The following CAMTA1 variants were observed in gnomAD, a reference collection of about 807,000 sequenced individuals.
The protein encoded by CAMTA1 is calmodulin-binding transcription activator 1.
A neutral mutation model predicts 170.9 loss-of-function variants in CAMTA1; 27 were observed. The observed-to-expected ratio is 0.16, with a 90% CI of 0.12 to 0.22. The LOEUF (loss-of-function observed/expected upper bound fraction) is 0.22. Ranked by LOEUF, CAMTA1 falls within the 10% of genes least tolerant of loss-of-function variation. CAMTA1 has a pLI of 1.00. For synonymous variants in CAMTA1, 833 were observed against 891.5 expected, an observed-to-expected ratio of 0.93 and a Z score of 1.17; for missense variants, 1,619 against 2,217.2, an observed-to-expected ratio of 0.73 and a Z score of 5.42.
At chr1:7,221,024 ACCAGG>A (rs1660658031) in intron 4 of CAMTA1, among the ~76,000 whole-genome samples, 1 of 152,130 alleles carries the variant, frequency 6.6e-6, no homozygotes, top group Non-Finnish European at 1.5e-5. Context: ...CCTAGAGCCC[ACCAGG>A]TGGGAGAGCC....
intron 11 of CAMTA1, among the ~76,000 whole-genome samples, chr1:7,695,682 A>AG (rs1425687231): frequency 1.3e-5 from 2 of 152,068 alleles, no homozygotes; most frequent in African/African-American, 2.4e-5. Context: ...CTGCACCATG[A>AG]GGGGCCACAG....
intron 3 of CAMTA1, among the ~76,000 whole-genome samples, chr1:6,840,918 G>T (rs560348368): frequency 6.6e-6 from 1 of 152,286 alleles, no homozygotes; most frequent in South Asian, 2.1e-4. Context: ...AAATTTAGTG[G>T]CTTAAAACAA....
intron 6 of CAMTA1, among the ~76,000 whole-genome samples, chr1:7,558,646 C>T (rs2094913601): frequency 6.6e-6 from 1 of 152,242 alleles, no homozygotes; most frequent in Non-Finnish European, 1.5e-5. Context: ...TCCCTGTCCC[C>T]CCAGCCCCGA....
intron 4 of CAMTA1, among the ~76,000 whole-genome samples, chr1:7,119,226 C>T (rs1218130285): frequency 6.6e-6 from 1 of 152,178 alleles, no homozygotes; most frequent in Non-Finnish European, 1.5e-5. Flanking sequence ...AGTCTCTCCC[C>T]AAAACCAATC....
intron 3 of CAMTA1, among the ~76,000 whole-genome samples, chr1:6,869,366 A>G (rs1246462305): frequency 1.3e-5 from 2 of 152,228 alleles, no homozygotes; most frequent in Non-Finnish European, 2.9e-5. Context: ...TTCAGGTTAA[A>G]TCGACAGTTG....
intron 5 of CAMTA1, among the ~76,000 whole-genome samples, chr1:7,313,422 T>C (rs190724916): frequency 6.6e-6 from 1 of 152,366 alleles, no homozygotes. Flanking sequence ...CTCACTGTTT[T>C]GATGAACTGC....
chr1:7,609,506 C>A lies in CAMTA1; in HGVS notation c.511-30894C>A, dbSNP rs1404222781. On this transcript the variant is annotated intron_variant, in intron 6 of 22. Transcript: ENST00000303635. The surrounding 1 kb of genome is among the most constrained non-coding windows in gnomAD (Gnocchi z 4.4). ...GCAAGCCCTGGCCCCAGCCTCCAGG[C>A]CCCCAGGGATGCTCAGGGCCTGCCA... 6.6e-6 allele frequency among the ~76,000 whole-genome samples: 1 copy of A among 152,162 alleles called. No individual in the cohort carries two copies. The highest frequency in any genetic ancestry group is 2.4e-5 in the African/African-American group (1 of 41,438).
At chr1:7,306,426 C>A (rs1675601374) in intron 5 of CAMTA1, among the ~76,000 whole-genome samples, 1 of 151,798 alleles carries the variant, frequency 6.6e-6, no homozygotes, top group Non-Finnish European at 1.5e-5. Flanking sequence ...GCACCTTTGT[C>A]AAAAATCAAT....
intron 4 of CAMTA1, among the ~76,000 whole-genome samples, chr1:7,107,641 C>CT (rs1468818566): frequency 2.6e-5 from 4 of 152,128 alleles, no homozygotes. Context: ...GCTGGGATGC[C>CT]TTTTTTGTGC....
At chr1:7,107,392 AGCATTTGTACGGGTGAATTTCAATC>A (rs1643712921) in intron 4 of CAMTA1, among the ~76,000 whole-genome samples, 1 of 152,038 alleles carries the variant, frequency 6.6e-6, no homozygotes, top group South Asian at 2.1e-4. Flanking sequence ...ACAGCACAGC[AGCATTTGTACGGGTGAATTTCAATC>A]AGAAAACCGT....
intron 5 of CAMTA1, among the ~76,000 whole-genome samples, chr1:7,282,277 T>C (rs1671632294): frequency 6.6e-6 from 1 of 152,148 alleles, no homozygotes; most frequent in Non-Finnish European, 1.5e-5. Flanking sequence ...TTTCTGGTTT[T>C]CCAGTAGCTC....
chr1:7,225,856 G>A (rs891522686), intron 4 of CAMTA1, among the ~76,000 whole-genome samples: 1 of 152,192 alleles, frequency 6.6e-6, no homozygotes, highest in African/African-American at 2.4e-5. Flanking sequence ...GACTGTTCCA[G>A]TGTGGCTCCT....
In CAMTA1 at chr1:6,946,046, A is replaced by G. The variant is rs371454639; in HGVS notation, c.234+120836A>G. 2.0e-4 allele frequency among the ~76,000 whole-genome samples: 31 copies of G among 152,312 alleles called. No homozygotes were observed. The South Asian group carries it at 6.2e-3, about 31-fold the overall frequency. On this transcript the variant is annotated intron_variant, in intron 3 of 22. Coordinates refer to ENST00000303635, the MANE Select transcript of CAMTA1 (RefSeq NM_015215.4). ...CCTAAGAGTGAAATTGCTCGGTCAC[A>G]TGGCAACTCCATGTTTAACCTTTTG...
intron 5 of CAMTA1, among the ~76,000 whole-genome samples, chr1:7,347,138 C>T (rs1038104299): frequency 3.3e-5 from 5 of 152,194 alleles, no homozygotes; most frequent in African/African-American, 7.2e-5. Context: ...CCGGTGGCAG[C>T]GTCTGAGTAA....
At chr1:7,182,388 A>G (rs2148894274) in intron 4 of CAMTA1, among the ~76,000 whole-genome samples, 1 of 152,068 alleles carries the variant, frequency 6.6e-6, no homozygotes, top group East Asian at 1.9e-4. Context: ...TAAAAATACA[A>G]AAACTAAGGT....
At chr1:7,464,698 TC>T (rs1319294483) in intron 5 of CAMTA1, among the ~76,000 whole-genome samples, 1 of 152,130 alleles carries the variant, frequency 6.6e-6, no homozygotes, top group Non-Finnish European at 1.5e-5. Context: ...TTTTGCAGCC[TC>T]CTCTGATGTC....
At chr1:7,480,942 T>C (rs1429110009) in intron 6 of CAMTA1, among the ~76,000 whole-genome samples, 1 of 152,228 alleles carries the variant, frequency 6.6e-6, no homozygotes, top group Non-Finnish European at 1.5e-5. Flanking sequence ...GGACTCATGA[T>C]GATTTCCTCC....
At chr1:7,013,940 A>G (rs1008035084) in intron 3 of CAMTA1, among the ~76,000 whole-genome samples, 5 of 152,232 alleles carry the variant, frequency 3.3e-5, no homozygotes, top group Non-Finnish European at 5.9e-5. Context: ...GTCAGAGACA[A>G]GGAGCTTGGC....
At chr1:7,270,559 G>A (rs148174865) in intron 5 of CAMTA1, among the ~76,000 whole-genome samples, 1 of 152,192 alleles carries the variant, frequency 6.6e-6, no homozygotes, top group East Asian at 1.9e-4. Flanking sequence ...GCCTCCCAAA[G>A]TACTGGGATT....
Sources: allele counts gnomAD v4.1 joint callset (sites outside exome capture counted in the v4.1 genomes callset), GRCh38; gene constraint gnomAD v4.1.1; non-coding constraint Gnocchi (gnomAD v3.1); transcripts MANE v1.5; gene names NCBI Gene and HGNC (gene_info 2026-07-23, HGNC 2026-07-21).